SEMA3D: variants seen among roughly 807,000 people sequenced by gnomAD.
The protein encoded by SEMA3D is semaphorin 3D, also known as semaphorin-3D.
In SEMA3D, 84 loss-of-function variants were observed where a neutral mutation model predicts 100.1. That is an observed-to-expected ratio of 0.84 (90% CI 0.70 to 1.01). The LOEUF (loss-of-function observed/expected upper bound fraction) is 1.01. Ranked by LOEUF, SEMA3D falls within the 50% of genes least tolerant of loss-of-function variation. SEMA3D has a pLI of 0.00. For synonymous variants in SEMA3D, 312 were observed against 320.7 expected (o/e 0.97, Z 0.29); for missense variants, 875 against 934.1 (o/e 0.94, Z 0.82).
chr7:85,001,087 G>T (rs1789642681), intron 18 of SEMA3D, among the ~76,000 whole-genome samples: 1 of 152,170 alleles, frequency 6.6e-6, no homozygotes, highest in African/African-American at 2.4e-5. Flanking sequence ...TATGAGAAAA[G>T]GAAAAGAAAC....
chr7:85,035,531 T>C (rs1347579542), intron 12 of SEMA3D, among the ~76,000 whole-genome samples: 1 of 152,028 alleles, frequency 6.6e-6, no homozygotes, highest in East Asian at 1.9e-4. Context: ...GTATCTATAA[T>C]AGTCAAAATA....
chr7:85,105,676 C>A (rs984478952), intron 3 of SEMA3D, among the ~76,000 whole-genome samples: 2 of 152,070 alleles, frequency 1.3e-5, no homozygotes, highest in Non-Finnish European at 2.9e-5. Context: ...CTTGCAAATG[C>A]AAGTCCAAAT....
chr7:85,014,818 A>G (rs1247411899), intron 16 of SEMA3D, among the ~76,000 whole-genome samples: 1 of 151,852 alleles, frequency 6.6e-6, no homozygotes, highest in Non-Finnish European at 1.5e-5. Context: ...AAAAGAATAT[A>G]TAGAATTTAT....
chr7:85,068,327 T>C, intron 6 of SEMA3D, 43 bp from the exon 7 acceptor site: 2 of 1,035,236 alleles, frequency 1.9e-6, no homozygotes, highest in Non-Finnish European at 3.0e-6. Context: ...TTTAAAAATA[T>C]TACAAACAGT....
intron 2 of SEMA3D, among the ~76,000 whole-genome samples, chr7:85,149,327 C>T (rs1052590971): frequency 6.6e-6 from 1 of 151,912 alleles, no homozygotes; most frequent in Non-Finnish European, 1.5e-5. Flanking sequence ...CATGGTGGCA[C>T]GTGCCTGTAA....
intron 5 of SEMA3D, among the ~76,000 whole-genome samples, chr7:85,074,886 C>T (rs2116200679): frequency 6.6e-6 from 1 of 152,108 alleles, no homozygotes; most frequent in Admixed American, 6.5e-5. Context: ...TTCCAAAGTG[C>T]TAGGATTACA....
chr7:85,034,098 G>C (rs1790624442), intron 12 of SEMA3D, among the ~76,000 whole-genome samples: 3 of 151,984 alleles, frequency 2.0e-5, no homozygotes, highest in Admixed American at 2.0e-4. Flanking sequence ...TACTGTACCT[G>C]TCGGTGCCTG....
chr7:85,246,052 T>C, the SEMA3D span, among the ~76,000 whole-genome samples: 5 of 152,104 alleles, frequency 3.3e-5, no homozygotes, highest in Non-Finnish European at 7.4e-5. Flanking sequence ...TTAATGAATA[T>C]ATTTATTATT....
the SEMA3D span, among the ~76,000 whole-genome samples, chr7:85,196,692 G>A: frequency 6.6e-6 from 1 of 152,096 alleles, no homozygotes; most frequent in African/African-American, 2.4e-5. Context: ...AGCTATTAGA[G>A]ATCCATAAAA....
chr7:85,069,803 C>T (rs574605636), intron 6 of SEMA3D, among the ~76,000 whole-genome samples: 4 of 152,218 alleles, frequency 2.6e-5, no homozygotes, highest in Admixed American at 2.6e-4. Flanking sequence ...AGGGGAGGTC[C>T]CAGAGGAAAT....
Position 85,029,461 on chromosome 7 carries a change from A to T in SEMA3D, c.1192-6848T>A, listed in dbSNP as rs1204298771. 4.1e-6 allele frequency: 3 copies of T among 732,872 alleles called. No homozygotes were observed. In the African/African-American group the frequency reaches 5.2e-5, roughly 13 times the overall value. The allele number at this position is 732,872 out of a possible 1,614,324, so 45.4% of individuals were successfully genotyped here. On this transcript the variant is annotated intron_variant, in intron 12 of 18. Transcript: ENST00000284136. ...CAAGATTAACAATGAGCACAAACAG[A>T]AGATTCTTAGCAAGTGCCATGAAAT...
At chr7:85,111,816 C>T (rs989265184) in intron 3 of SEMA3D, among the ~76,000 whole-genome samples, 1 of 152,036 alleles carries the variant, frequency 6.6e-6, no homozygotes, top group Non-Finnish European at 1.5e-5. Flanking sequence ...TTTCTCCCAT[C>T]CCACTATTTG....
At chr7:85,220,676 T>C in the SEMA3D span, among the ~76,000 whole-genome samples, 24,690 of 152,072 alleles carry the variant, frequency 0.16, 2,425 homozygotes, top group Non-Finnish European at 0.23. Context: ...ATGGGCTTTA[T>C]CAACTCTGAA....
chr7:85,090,864 C>T (rs1788367086), intron 4 of SEMA3D, among the ~76,000 whole-genome samples: 1 of 151,952 alleles, frequency 6.6e-6, no homozygotes, highest in African/African-American at 2.4e-5. Context: ...TTTAAATATT[C>T]CACTGGAAAT....
At chr7:85,199,696 T>C in the SEMA3D span, among the ~76,000 whole-genome samples, 1 of 152,214 alleles carries the variant, frequency 6.6e-6, no homozygotes, top group African/African-American at 2.4e-5. Flanking sequence ...AAAATGTTTA[T>C]CTTTTGTTTT....
the SEMA3D span, among the ~76,000 whole-genome samples, chr7:85,248,156 A>T: frequency 1.5e-4 from 23 of 152,286 alleles, no homozygotes; most frequent in African/African-American, 2.9e-4. Context: ...TAACAAAAAA[A>T]GGGGCCAAGA....
chr7:85,213,218 T>C, the SEMA3D span, among the ~76,000 whole-genome samples: 1 of 151,964 alleles, frequency 6.6e-6, no homozygotes, highest in Non-Finnish European at 1.5e-5. Context: ...ATAGAGATAG[T>C]GTGCTTAATT....
intron 3 of SEMA3D, among the ~76,000 whole-genome samples, chr7:85,115,089 T>C (rs1789199943): frequency 6.6e-6 from 1 of 152,238 alleles, no homozygotes; most frequent in Non-Finnish European, 1.5e-5. Flanking sequence ...ATGTTTACAG[T>C]TGAAAATCAC....
chr7:85,000,160 A>G (rs1377535542), intron 18 of SEMA3D, among the ~76,000 whole-genome samples: 1 of 152,142 alleles, frequency 6.6e-6, no homozygotes, highest in Non-Finnish European at 1.5e-5. Flanking sequence ...GGAATGAAAA[A>G]CTGTGAAAAG....
Sources: allele counts gnomAD v4.1 joint callset (sites outside exome capture counted in the v4.1 genomes callset), GRCh38; gene constraint gnomAD v4.1.1; transcripts MANE v1.5; gene names NCBI Gene and HGNC (gene_info 2026-07-23, HGNC 2026-07-21).